The following TET3 variants were observed in gnomAD, a reference collection of about 807,000 sequenced individuals.
The protein encoded by TET3 is methylcytosine dioxygenase TET3.
In TET3, 19 loss-of-function variants were observed where a neutral mutation model predicts 141.4. The ratio of observed to expected loss-of-function variants is 0.13; its 90% confidence interval spans 0.09 to 0.20. TET3 has a LOEUF of 0.20. TET3 is among the 10% of genes least tolerant of loss of function. The probability of loss-of-function intolerance (pLI) is 1.00; values close to 1 mark genes in which losing one functional copy is unlikely to be tolerated. For missense variants in TET3, 1,874 were observed against 2,356.9 expected, an observed-to-expected ratio of 0.80 and a Z score of 4.24; for synonymous variants, 1,043 against 980.9, an observed-to-expected ratio of 1.06 and a Z score of -1.18.
Position 74,102,043 on chromosome 2 carries a change from C to T in TET3, c.5255C>T (p.Ala1752Val), listed in dbSNP as rs1691253292. 1.3e-6 allele frequency: 2 copies of T among 1,544,732 alleles called. No individual in the cohort carries two copies. Among genetic ancestry groups the T allele is most frequent in the Non-Finnish European group, 1.7e-6 (2 of 1,146,096 alleles). Residue 1752 changes from alanine (A) to valine (V), a missense_variant, in exon 12 of 12, where the codon GCT (alanine) becomes GTT (valine). By Grantham distance (64) the Ala-to-Val change is moderately conservative. Transcript: ENST00000409262. ...KKRKWGGTVVAEPQQKEKKGV... is the reference protein window; with the variant it reads ...KKRKWGGTVVVEPQQKEKKGV... ...CGCAAGTGGGGGGGCACTGTGGTTG[C>T]TGAGCCCCAGCAGAAAGAGAAGAAG...
intron 3 of TET3, among the ~76,000 whole-genome samples, chr2:74,032,833 T>C (rs1686827439): frequency 6.6e-6 from 1 of 152,056 alleles, no homozygotes; most frequent in South Asian, 2.1e-4. Context: ...GCGATAACTT[T>C]GCATAGGTTA....
the TET3 span, among the ~76,000 whole-genome samples, chr2:74,113,423 G>A: frequency 6.0e-4 from 92 of 152,126 alleles, no homozygotes; most frequent in Admixed American, 1.6e-3. Flanking sequence ...CTTATTCAAC[G>A]TAGTACTAGA....
chr2:74,066,788 A>G (rs903936655), intron 4 of TET3, among the ~76,000 whole-genome samples: 1 of 152,138 alleles, frequency 6.6e-6, no homozygotes, highest in African/African-American at 2.4e-5. Context: ...TGGAGTTGCT[A>G]AGATTTAGTT....
intron 3 of TET3, among the ~76,000 whole-genome samples, chr2:74,043,629 T>C (rs745816211): frequency 5.3e-5 from 8 of 152,092 alleles, no homozygotes; most frequent in Non-Finnish European, 1.2e-4. Context: ...TTCCAGGCAA[T>C]GAGAACTGCG....
At chr2:74,036,782 C>T (rs1264668019) in intron 3 of TET3, among the ~76,000 whole-genome samples, 1 of 152,162 alleles carries the variant, frequency 6.6e-6, no homozygotes, top group African/African-American at 2.4e-5. Context: ...TTCCTTTCTT[C>T]CTCGAACCCA....
intron 4 of TET3, among the ~76,000 whole-genome samples, chr2:74,056,978 C>G (rs780369880): frequency 2.6e-5 from 4 of 152,178 alleles, no homozygotes; most frequent in Non-Finnish European, 5.9e-5. Context: ...GCCATGCTCT[C>G]TGGAAACCAG....
intron 4 of TET3, among the ~76,000 whole-genome samples, chr2:74,057,283 A>G (rs145161161): frequency 6.8e-4 from 104 of 152,324 alleles, no homozygotes; most frequent in African/African-American, 2.3e-3. Context: ...GTCTCTCCAC[A>G]TCAGGACAGA....
chr2:74,004,442 T>C (rs2105154878), intron 3 of TET3, among the ~76,000 whole-genome samples: 1 of 152,262 alleles, frequency 6.6e-6, no homozygotes, highest in African/African-American at 2.4e-5. Context: ...ACGTGGGGGA[T>C]AGGGACTTCT....
chr2:74,109,350 G>T (rs1691646914), downstream of TET3, among the ~76,000 whole-genome samples: 1 of 152,214 alleles, frequency 6.6e-6, no homozygotes, highest in Non-Finnish European at 1.5e-5. Flanking sequence ...AACATTTTGA[G>T]TGTGTAAATA....
At chr2:73,997,610 C>G (rs977372430) in intron 2 of TET3, among the ~76,000 whole-genome samples, 3 of 152,090 alleles carry the variant, frequency 2.0e-5, no homozygotes, top group African/African-American at 7.2e-5. Context: ...CTACAAGGTC[C>G]CTTGTACTGG....
intron 6 of TET3, among the ~76,000 whole-genome samples, chr2:74,083,259 A>G (rs1341419365): frequency 6.6e-6 from 1 of 152,232 alleles, no homozygotes; most frequent in Admixed American, 6.5e-5. Flanking sequence ...GGCTCAGAAC[A>G]ACAGAGGCAT....
chr2:74,019,250 C>G (rs1685901851), intron 3 of TET3, among the ~76,000 whole-genome samples: 1 of 152,210 alleles, frequency 6.6e-6, no homozygotes, highest in African/African-American at 2.4e-5. Context: ...GAAGGAGACT[C>G]TGTCTCTAAT....
intron 10 of TET3, among the ~76,000 whole-genome samples, chr2:74,096,504 C>T (rs966957219): frequency 1.3e-5 from 2 of 152,168 alleles, no homozygotes; most frequent in African/African-American, 2.4e-5. Flanking sequence ...CAGGGGCTCA[C>T]GCCTGTAATC....
intron 4 of TET3, among the ~76,000 whole-genome samples, chr2:74,065,414 T>C (rs1378345538): frequency 6.6e-6 from 1 of 152,246 alleles, no homozygotes; most frequent in Non-Finnish European, 1.5e-5. Flanking sequence ...CCTGTGGTCT[T>C]TGGACATACC....
At chr2:74,069,654 A>G (rs1348809945) in intron 4 of TET3, among the ~76,000 whole-genome samples, 3 of 151,480 alleles carry the variant, frequency 2.0e-5, no homozygotes, top group Non-Finnish European at 2.9e-5. Context: ...TGGTGCAATC[A>G]TAGCTCACTG....
intron 11 of TET3, among the ~76,000 whole-genome samples, chr2:74,100,013 C>T (rs10201998): frequency 0.038 from 5,764 of 152,256 alleles, 189 homozygotes; most frequent in African/African-American, 0.083. Flanking sequence ...TCTGAGTTCT[C>T]ATTCTCCTGG....
At chr2:74,115,484 G>A in the TET3 span, among the ~76,000 whole-genome samples, 2 of 152,088 alleles carry the variant, frequency 1.3e-5, no homozygotes, top group Non-Finnish European at 2.9e-5. Context: ...GACTATTCGG[G>A]TGAACAGGTA....
Position 74,102,173 on chromosome 2 carries a change from C to T in TET3, c.5385C>T (p.Ile1795=), listed in dbSNP as rs1691261593. ...TKVTGPYSRW[I] Reference sequence around the variant, plus strand: ...TCACTGGCCCCTACAGCCGCTGGATCTAGGTGCCAGGGAGCCAGCGTACCT... The same window carrying T: ...TCACTGGCCCCTACAGCCGCTGGATTTAGGTGCCAGGGAGCCAGCGTACCT... The change falls in exon 12 of 12, where the codon ATC becomes ATT. Residue 1795 remains isoleucine (I), a synonymous_variant. Transcript: ENST00000409262. The T allele has an allele frequency of 6.9e-7, 1 of 1,439,996 alleles. No homozygotes were observed. The highest frequency in any genetic ancestry group is 2.9e-5 in the Admixed American group (1 of 34,286). The allele number at this position is 1,439,996 out of a possible 1,614,324, so 89.2% of individuals were successfully genotyped here. A position where few individuals can be genotyped will look rare whatever the true frequency, so the allele number is the denominator to read the frequency against.
At chr2:74,011,958 T>C (rs561171940) in intron 3 of TET3, among the ~76,000 whole-genome samples, 2 of 152,166 alleles carry the variant, frequency 1.3e-5, no homozygotes, top group East Asian at 3.9e-4. Flanking sequence ...TTTTTTTGTT[T>C]GTTTGTTTTT....
Sources: allele counts gnomAD v4.1 joint callset (sites outside exome capture counted in the v4.1 genomes callset), GRCh38; gene constraint gnomAD v4.1.1; transcripts MANE v1.5; gene names NCBI Gene and HGNC (gene_info 2026-07-23, HGNC 2026-07-21).